Variants in ARHGAP26 observed in about 807,000 individuals in gnomAD.
ARHGAP26 encodes the protein rho GTPase-activating protein 26.
Under a neutral mutation model 104.8 loss-of-function variants are expected in ARHGAP26, and 38 were observed. That is an observed-to-expected ratio of 0.36 (90% CI 0.28 to 0.48). The LOEUF is 0.48. Ranked by LOEUF, ARHGAP26 falls within the 20% of genes least tolerant of loss-of-function variation. ARHGAP26 has a pLI of 0.99. For synonymous variants in ARHGAP26, 341 were observed against 340.0 expected, an observed-to-expected ratio of 1.00 and a Z score of -0.03; for missense variants, 704 against 947.9, an observed-to-expected ratio of 0.74 and a Z score of 3.38.
At chr5:142,853,858 G>A (rs1751934578) in intron 1 of ARHGAP26, among the ~76,000 whole-genome samples, 1 of 152,170 alleles carries the variant, frequency 6.6e-6, no homozygotes, top group Admixed American at 6.5e-5. Flanking sequence ...TCTGTTTGTA[G>A]TGTAATGGGA....
intron 17 of ARHGAP26, chr5:143,103,168 T>A: frequency 1.1e-6 from 1 of 915,732 alleles, no homozygotes. Flanking sequence ...TTACCTGTTC[T>A]TTTGATTTGC....
intron 3 of ARHGAP26, among the ~76,000 whole-genome samples, chr5:142,877,369 T>C (rs1756283392): frequency 6.6e-6 from 1 of 152,078 alleles, no homozygotes; most frequent in Non-Finnish European, 1.5e-5. Context: ...TGATCCTGTG[T>C]TTACCACATT....
intron 14 of ARHGAP26, among the ~76,000 whole-genome samples, chr5:143,045,951 G>C (rs570852433): frequency 2.0e-4 from 30 of 152,312 alleles, no homozygotes; most frequent in African/African-American, 6.7e-4. Flanking sequence ...TCGCCAAATA[G>C]TGAAACCCTT....
chr5:142,874,778 C>G (rs1444748840), intron 2 of ARHGAP26: 1 of 202,960 alleles, frequency 4.9e-6, no homozygotes. Context: ...GACAGGAAAT[C>G]CTTCAACTCC....
At chr5:143,008,631 C>T (rs74859757) in intron 11 of ARHGAP26, among the ~76,000 whole-genome samples, 1,716 of 152,214 alleles carry the variant, frequency 0.011, 30 homozygotes, top group African/African-American at 0.039. Context: ...TCCTTATGAA[C>T]CTATTTCCCC....
intron 12 of ARHGAP26, among the ~76,000 whole-genome samples, chr5:143,033,065 AT>A (rs951097879): frequency 2.4e-4 from 36 of 152,232 alleles, no homozygotes; most frequent in African/African-American, 8.2e-4. Flanking sequence ...TCAATATGCA[AT>A]TTTAATACAT....
At chr5:142,908,556 T>A (rs891584547) in intron 9 of ARHGAP26, among the ~76,000 whole-genome samples, 3 of 152,232 alleles carry the variant, frequency 2.0e-5, no homozygotes, top group Non-Finnish European at 4.4e-5. Context: ...GTGAATGTTC[T>A]AGAAACTAAA....
chr5:142,794,168 T>TG (rs1760474608), intron 1 of ARHGAP26, among the ~76,000 whole-genome samples: 1 of 152,182 alleles, frequency 6.6e-6, no homozygotes, highest in African/African-American at 2.4e-5. Context: ...TTCACATTGG[T>TG]GGGATGACTT....
intron 1 of ARHGAP26, among the ~76,000 whole-genome samples, chr5:142,791,454 A>G (rs1040274377): frequency 6.6e-6 from 1 of 152,198 alleles, no homozygotes; most frequent in Non-Finnish European, 1.5e-5. Flanking sequence ...AATATCTTTC[A>G]TAAGTAGCAC....
At chr5:142,914,551 C>G (rs1050582803) in intron 10 of ARHGAP26, among the ~76,000 whole-genome samples, 1 of 152,206 alleles carries the variant, frequency 6.6e-6, no homozygotes, top group African/African-American at 2.4e-5. Context: ...AAGTGCTCAA[C>G]AAGTATTAGC....
intron 1 of ARHGAP26, among the ~76,000 whole-genome samples, chr5:142,814,033 G>A (rs909617823): frequency 2.0e-5 from 3 of 152,218 alleles, no homozygotes; most frequent in African/African-American, 7.2e-5. Flanking sequence ...AGGCAAGTTG[G>A]CTGTTCCTCA....
At chr5:142,932,213 T>A in intron 11 of ARHGAP26, 88 bp downstream of exon 11, 1 of 1,270,160 alleles carries the variant, frequency 7.9e-7, no homozygotes, top group Non-Finnish European at 1.1e-6. Context: ...GCTGCTGTTC[T>A]AAAGCCTTGG....
rs1811866091 is a variant in ARHGAP26 at position 143,228,997 on chromosome 5, A to G, written c.*6551A>G. The stretch of plus-strand genomic sequence containing the variant: ...GATTTTTGAATTAAATGACTTTTCC[A>G]TTTGGTGGTATTTTCTTGAGTTTCT... On this transcript the variant is annotated 3_prime_UTR_variant, in exon 23 of 23. Coordinates refer to ENST00000645722, the MANE Select transcript of ARHGAP26 (RefSeq NM_001135608.3). 1 of 180,032 alleles carries G rather than the reference A, an allele frequency of 5.6e-6. No homozygotes were observed. The highest frequency in any genetic ancestry group is 1.2e-5 in the Non-Finnish European group (1 of 84,210). The allele number at this position is 180,032 out of a possible 1,614,324, so 11.2% of individuals were successfully genotyped here.
intron 11 of ARHGAP26, among the ~76,000 whole-genome samples, chr5:142,993,816 CTTTTT>C (rs1369281884): frequency 5.6e-5 from 4 of 71,932 alleles, no homozygotes; most frequent in Non-Finnish European, 1.2e-4. Context: ...CAGCTAATTT[CTTTTT>C]CTTTTCTTTT....
chr5:142,970,074 G>A (rs570179455), intron 11 of ARHGAP26, among the ~76,000 whole-genome samples: 12 of 152,314 alleles, frequency 7.9e-5, no homozygotes, highest in Admixed American at 2.0e-4. Context: ...TGTAGATACT[G>A]TTAGTCATGT....
intron 11 of ARHGAP26, among the ~76,000 whole-genome samples, chr5:142,951,493 A>G (rs773963235): frequency 5.9e-4 from 90 of 152,226 alleles, no homozygotes; most frequent in Non-Finnish European, 7.2e-4. Context: ...TTGGAGTAGC[A>G]GAAGGAGGAT....
chr5:142,792,987 A>G (rs770285435), intron 1 of ARHGAP26, among the ~76,000 whole-genome samples: 19 of 152,228 alleles, frequency 1.2e-4, no homozygotes, highest in Admixed American at 1.3e-4. Context: ...AACTTTGGCC[A>G]GTGTGGGGCA....
In ARHGAP26 at chr5:142,849,819, T is replaced by TC. The variant is rs200330930; in HGVS notation, c.155-23578dup. 1.9e-3 allele frequency among the ~76,000 whole-genome samples: 283 copies of TC among 152,278 alleles called. 2 individuals carry two copies. The highest frequency in any genetic ancestry group is 6.3e-3 in the African/African-American group (260 of 41,558). On this transcript the variant is annotated intron_variant, in intron 1 of 22. Transcript: ENST00000645722. ...CCTCTTTCCTCCAGTCTGCTTCACCTCCCATGCTCCCTGTTTCTGTTAAAA... is the reference window on the plus strand; with the variant it reads ...CCTCTTTCCTCCAGTCTGCTTCACCTCCCCATGCTCCCTGTTTCTGTTAAAA...
At chr5:143,165,720 C>G (rs1801842457) in intron 20 of ARHGAP26, among the ~76,000 whole-genome samples, 1 of 152,140 alleles carries the variant, frequency 6.6e-6, no homozygotes, top group Non-Finnish European at 1.5e-5. Context: ...CCCACCGACC[C>G]TCCCCACTTT....
Sources: allele counts gnomAD v4.1 joint callset (sites outside exome capture counted in the v4.1 genomes callset), GRCh38; gene constraint gnomAD v4.1.1; transcripts MANE v1.5; gene names NCBI Gene and HGNC (gene_info 2026-07-23, HGNC 2026-07-21).